The following KCNG1 variants were observed in gnomAD, a reference collection of about 807,000 sequenced individuals.
KCNG1 encodes the protein voltage-gated potassium channel regulatory subunit KCNG1.
A neutral mutation model predicts 32.4 loss-of-function variants in KCNG1; 17 were observed. The observed-to-expected ratio is 0.52, with a 90% CI of 0.36 to 0.79. KCNG1 has a LOEUF of 0.79. Ranked by LOEUF, KCNG1 falls within the 30% of genes least tolerant of loss-of-function variation. The pLI, the probability that KCNG1 is intolerant of heterozygous loss-of-function variation, is 0.00. For missense variants in KCNG1, 441 were observed against 735.2 expected, an observed-to-expected ratio of 0.60 and a Z score of 4.63; for synonymous variants, 358 against 339.9, an observed-to-expected ratio of 1.05 and a Z score of -0.59.
chr20:51,016,336 T>C (rs1008983551), intron 1 of KCNG1, among the ~76,000 whole-genome samples: 3 of 151,926 alleles, frequency 2.0e-5, no homozygotes, highest in Non-Finnish European at 2.9e-5. Context: ...ACTGGGAAGA[T>C]TGAGGCAGGA....
intron 1 of KCNG1, among the ~76,000 whole-genome samples, chr20:51,013,434 C>A (rs1230050204): frequency 1.3e-5 from 2 of 152,048 alleles, no homozygotes; most frequent in African/African-American, 2.4e-5. Flanking sequence ...TGGGTCGGTG[C>A]TGTGGACATG....
intron 1 of KCNG1, among the ~76,000 whole-genome samples, chr20:51,019,668 G>A (rs1344353177): frequency 4.0e-5 from 6 of 151,844 alleles, no homozygotes; most frequent in Admixed American, 3.3e-4. Context: ...TCTCTCTCTC[G>A]TACCATGCCT....
chr20:51,004,435 G>A lies in KCNG1; in HGVS notation c.1146C>T (p.Leu382=). The A allele has an allele frequency of 6.2e-7, 1 of 1,609,104 alleles. No homozygotes were observed. The highest frequency in any genetic ancestry group is 8.5e-7 in the Non-Finnish European group (1 of 1,176,588). ...AGAGGGCGATGGCCACGCAGAGGAA[G>A]AGCAGCAGGAGCCCGAACTCGCGGG... ...RCTREFGLLL[L]FLCVAIALFA... Residue 382 remains leucine (L), a synonymous_variant, in exon 3 of 3, where the codon CTC becomes CTT. Transcript: ENST00000371571. This position sits in a 1 kb window ranked among gnomAD's most constrained non-coding sequence, Gnocchi z 4.3.
intron 1 of KCNG1, among the ~76,000 whole-genome samples, chr20:51,021,271 T>C (rs886945022): frequency 6.6e-6 from 1 of 152,202 alleles, no homozygotes; most frequent in African/African-American, 2.4e-5. Flanking sequence ...GGCCAGCGCT[T>C]GCCTGTTTTT....
chr20:51,022,580 G>A (rs552299348), intron 1 of KCNG1: 18 of 152,210 alleles, frequency 1.2e-4, no homozygotes, highest in African/African-American at 3.6e-4. Flanking sequence ...CCCCGCCGGG[G>A]TCACCGCGGC....
intron 1 of KCNG1, among the ~76,000 whole-genome samples, chr20:51,019,700 A>C (rs1601109269): frequency 7.0e-6 from 1 of 143,514 alleles, no homozygotes; most frequent in South Asian, 2.3e-4. Context: ...CCATTCCCTC[A>C]CTCCCAGTGG....
chr20:51,012,322 C>G (rs1230398522), intron 1 of KCNG1: 1 of 152,258 alleles, frequency 6.6e-6, no homozygotes, highest in Non-Finnish European at 1.5e-5. Flanking sequence ...AGCACCCCTC[C>G]CCTTACAACT....
At chr20:51,017,099 G>C (rs377737590) in intron 1 of KCNG1, among the ~76,000 whole-genome samples, 46 of 152,336 alleles carry the variant, frequency 3.0e-4, no homozygotes, top group African/African-American at 1.0e-3. Context: ...ATGGAAGAGA[G>C]TAACAAACAA....
At chr20:51,007,188 ATTTTTTT>A (rs1367104084) in intron 2 of KCNG1, 1 of 145,248 alleles carries the variant, frequency 6.9e-6, no homozygotes, top group South Asian at 2.2e-4. Flanking sequence ...CCATCTCTAA[ATTTTTTT>A]TTTTTTTTGA....
intron 2 of KCNG1, among the ~76,000 whole-genome samples, chr20:51,008,341 G>A (rs1987918772): frequency 6.6e-6 from 1 of 152,174 alleles, no homozygotes; most frequent in South Asian, 2.1e-4. Flanking sequence ...AAAAAATTTT[G>A]TGTTTTAGAG....
intron 2 of KCNG1, among the ~76,000 whole-genome samples, chr20:51,007,666 G>A (rs1298401770): frequency 1.3e-5 from 2 of 151,978 alleles, no homozygotes; most frequent in African/African-American, 2.4e-5. Context: ...ATTCGAGAGT[G>A]CATGTAAATG....
At chr20:51,013,347 C>T (rs1988163168) in intron 1 of KCNG1, among the ~76,000 whole-genome samples, 4 of 152,036 alleles carry the variant, frequency 2.6e-5, no homozygotes, top group African/African-American at 9.7e-5. Context: ...AGCCCTCTCC[C>T]TAGACAAATC....
chr20:51,006,819 A>G (rs1987847213), intron 2 of KCNG1: 1 of 152,376 alleles, frequency 6.6e-6, no homozygotes, highest in Admixed American at 6.5e-5. Context: ...GGCGTGAGCC[A>G]CCGCACCCAG....
At chr20:51,021,757 T>G (rs957153605) in intron 1 of KCNG1, among the ~76,000 whole-genome samples, 6 of 152,148 alleles carry the variant, frequency 3.9e-5, no homozygotes, top group Non-Finnish European at 5.9e-5. Context: ...AGCGAGTGCT[T>G]AAGAAAATGC....
chr20:51,016,723 T>A (rs1042785351), intron 1 of KCNG1, among the ~76,000 whole-genome samples: 1 of 152,226 alleles, frequency 6.6e-6, no homozygotes, highest in African/African-American at 2.4e-5. Flanking sequence ...CTTGGCTCCA[T>A]GCCTGACGCT....
Position 51,003,817 on chromosome 20 carries a change from A to G in KCNG1, c.*222T>C. On this transcript the variant is annotated 3_prime_UTR_variant, in exon 3 of 3. Transcript: ENST00000371571. Reference sequence around the variant, plus strand: ...GTGGGCGGGGCTGGGCTGATGACCCAGCTTCCTTTCACGGCTGCAGGCGGA... The same window carrying G: ...GTGGGCGGGGCTGGGCTGATGACCCGGCTTCCTTTCACGGCTGCAGGCGGA... 3.6e-6 allele frequency: 2 copies of G among 556,072 alleles called. No individual in the cohort carries two copies. The highest frequency in any genetic ancestry group is 2.4e-5 in the South Asian group (1 of 42,284). The allele number at this position is 556,072 out of a possible 1,614,324, so 34.4% of individuals were successfully genotyped here.
intron 1 of KCNG1, 140 bp from the exon 2 acceptor site, chr20:51,010,504 TG>T (rs1988040950): frequency 1.6e-6 from 1 of 635,600 alleles, no homozygotes; most frequent in Non-Finnish European, 2.6e-6. Flanking sequence ...TAGCCCTCAA[TG>T]GGATGGTATT....
In KCNG1 at chr20:51,004,819, G is replaced by A. The variant is rs967714094; in HGVS notation, c.775-13C>T. 5.2e-6 allele frequency: 8 copies of A among 1,539,082 alleles called. No individual in the cohort carries two copies. In the African/African-American group the frequency reaches 9.5e-5, roughly 18 times the overall value. ...GGGAACAGTGGCCCTGGGAGAGAGG[G>A]GAAGGGACGCCGGAGGGGTCAGCGG... On this transcript the variant is annotated splice_polypyrimidine_tract_variant and intron_variant, in intron 2 of 2. Coordinates refer to ENST00000371571, the MANE Select transcript of KCNG1 (RefSeq NM_002237.4). The surrounding 1 kb of genome is among the most constrained non-coding windows in gnomAD (Gnocchi z 4.3).
At chr20:51,019,899 G>T (rs1003142685) in intron 1 of KCNG1, among the ~76,000 whole-genome samples, 2 of 152,214 alleles carry the variant, frequency 1.3e-5, no homozygotes, top group Non-Finnish European at 2.9e-5. Flanking sequence ...CCTGGCCCGG[G>T]TCCTGGCATG....
Sources: gnomAD v4.1 joint callset for allele counts (sites outside exome capture counted in the v4.1 genomes callset) on GRCh38, gnomAD v4.1.1 for gene constraint, Gnocchi (gnomAD v3.1) non-coding constraint, MANE v1.5 for transcripts, NCBI Gene and HGNC (gene_info 2026-07-23, HGNC 2026-07-21) for gene names.